Variants in COLEC12 observed in about 807,000 individuals in gnomAD.
COLEC12 encodes the protein collectin-12.
A neutral mutation model predicts 71.1 loss-of-function variants in COLEC12; 33 were observed. The ratio of observed to expected loss-of-function variants is 0.46; its 90% CI spans 0.35 to 0.62. COLEC12 has a LOEUF of 0.62. COLEC12 is among the 20% of genes least tolerant of loss of function. COLEC12 has a pLI of 0.00. For synonymous variants in COLEC12, 350 were observed against 353.0 expected, an observed-to-expected ratio of 0.99 and a Z score of 0.10; for missense variants, 765 against 916.1, an observed-to-expected ratio of 0.84 and a Z score of 2.13.
At chr18:372,817 T>C (rs1360993874) in intron 2 of COLEC12, among the ~76,000 whole-genome samples, 3 of 152,262 alleles carry the variant, frequency 2.0e-5, no homozygotes, top group East Asian at 3.9e-4. Flanking sequence ...AAGGGGACAT[T>C]TAACGCTGTG....
At chr18:498,632 G>A (rs1301773411) in intron 1 of COLEC12, among the ~76,000 whole-genome samples, 1 of 152,080 alleles carries the variant, frequency 6.6e-6, no homozygotes, top group African/African-American at 2.4e-5. Flanking sequence ...AAAGTGCTGG[G>A]ATTACAGGTG....
intron 2 of COLEC12, among the ~76,000 whole-genome samples, chr18:393,111 G>A (rs1220820587): frequency 1.3e-5 from 2 of 152,228 alleles, no homozygotes; most frequent in Non-Finnish European, 2.9e-5. Context: ...GGCTTAGGCT[G>A]AATTGTTCTG....
At chr18:420,785 TACA>T (rs201297138) in intron 2 of COLEC12, among the ~76,000 whole-genome samples, 1 of 151,750 alleles carries the variant, frequency 6.6e-6, no homozygotes, top group Non-Finnish European at 1.5e-5. Context: ...GGGGAGAGAC[TACA>T]CCTCCCTCCA....
At chr18:477,553 G>A (rs1185504997) in intron 2 of COLEC12, among the ~76,000 whole-genome samples, 2 of 151,938 alleles carry the variant, frequency 1.3e-5, no homozygotes, top group East Asian at 3.8e-4. Context: ...TTCTTCAGGA[G>A]TAAGTTTTCA....
rs1197147663 is a variant in COLEC12 at position 319,390 on chromosome 18, A to T, written c.*655T>A. 1 of 144,452 alleles carries T rather than the reference A, an allele frequency of 6.9e-6. No individual in the cohort carries two copies. The highest frequency in any genetic ancestry group is 1.5e-5 in the Non-Finnish European group (1 of 66,096). The allele number at this position is 144,452 out of a possible 1,614,324, so 8.9% of individuals were successfully genotyped here. On this transcript the variant is annotated 3_prime_UTR_variant, in exon 10 of 10. Coordinates refer to ENST00000400256, the MANE Select transcript of COLEC12 (RefSeq NM_130386.3). ...CACATGTATATTTAATTATTTTTTT[A>T]AAGCCACAATTGAAAAAATTCTTTG...
chr18:363,643 G>C (rs1914794823), intron 2 of COLEC12, among the ~76,000 whole-genome samples: 1 of 151,926 alleles, frequency 6.6e-6, no homozygotes, highest in African/African-American at 2.4e-5. Flanking sequence ...AATTAAAATG[G>C]CCCCAAAAGC....
intron 5 of COLEC12, among the ~76,000 whole-genome samples, chr18:338,262 C>T (rs920631348): frequency 1.3e-5 from 2 of 152,248 alleles, no homozygotes; most frequent in Admixed American, 1.3e-4. Flanking sequence ...CTACTCAAGA[C>T]CCTTCTCCAT....
At chr18:331,454 A>G (rs1229956521) in intron 8 of COLEC12, among the ~76,000 whole-genome samples, 1 of 152,244 alleles carries the variant, frequency 6.6e-6, no homozygotes, top group East Asian at 1.9e-4. Flanking sequence ...AATTCACTCC[A>G]TGAAAAGAAG....
intron 2 of COLEC12, among the ~76,000 whole-genome samples, chr18:358,571 C>A (rs1264611916): frequency 6.6e-6 from 1 of 152,162 alleles, no homozygotes; most frequent in Non-Finnish European, 1.5e-5. Flanking sequence ...TGCCACTGAT[C>A]TGACAGGAGG....
At chr18:398,899 T>C (rs542435381) in intron 2 of COLEC12, among the ~76,000 whole-genome samples, 1 of 152,312 alleles carries the variant, frequency 6.6e-6, no homozygotes, top group East Asian at 1.9e-4. Context: ...CTTGGAGATG[T>C]TTATATATTG....
At position 334,876 on chromosome 18, in the gene COLEC12, G is replaced by A. The variant is rs772557710; in HGVS notation, c.1682C>T (p.Pro561Leu). 1.3e-6 allele frequency: 2 copies of A among 1,523,858 alleles called. No homozygotes were observed. Among genetic ancestry groups the A allele is most frequent in the South Asian group, 1.3e-5 (1 of 79,948 alleles). The allele number at this position is 1,523,858 out of a possible 1,614,324, so 94.4% of individuals were successfully genotyped here. A position where few individuals can be genotyped will look rare whatever the true frequency, so the allele number is the denominator to read the frequency against. The change falls in exon 6 of 10, where the codon CCT (proline) becomes CTT (leucine). Residue 561 changes from proline (P) to leucine (L), a missense_variant. By Grantham distance (98) the Pro-to-Leu change is moderately conservative. Coordinates refer to ENST00000400256, the MANE Select transcript of COLEC12 (RefSeq NM_130386.3). ...GTVGEPGVPG[P>L]RGLPGLPGVP... ...CCCAGGCAAGCCTGGCAGTCCCCGA[G>A]GTCCAGGCACCCCAGGCTCCCCAAC... is the stretch of plus-strand genomic sequence containing the variant.
chr18:351,724 C>T (rs1357212545), intron 3 of COLEC12, among the ~76,000 whole-genome samples: 5 of 152,116 alleles, frequency 3.3e-5, no homozygotes, highest in African/African-American at 7.2e-5. Context: ...CCTGTTACCA[C>T]GCCCGGCTAA....
At chr18:487,156 T>G (rs1251448553) in intron 1 of COLEC12, among the ~76,000 whole-genome samples, 8 of 152,186 alleles carry the variant, frequency 5.3e-5, no homozygotes, top group Non-Finnish European at 1.2e-4. Context: ...GAAGCACTGA[T>G]GCATACTACA....
In COLEC12 at chr18:321,759, T is replaced by A. The variant is rs769152534; in HGVS notation, c.2112A>T (p.Pro704=). 1 of 1,614,258 alleles carries A rather than the reference T, an allele frequency of 6.2e-7. No individual in the cohort carries two copies. ...QPDNWGHGHG[P]GEDCAGLIYA... ...AAATCAACCCAGCACAGTCTTCTCC[T>A]GGCCCATGGCCATGACCCCAGTTAT... Residue 704 remains proline (P), a synonymous_variant, in exon 9 of 10, where the codon CCA becomes CCT. Transcript: ENST00000400256.
chr18:412,220 T>TA (rs1178427596), intron 2 of COLEC12, among the ~76,000 whole-genome samples: 4 of 151,956 alleles, frequency 2.6e-5, no homozygotes, highest in African/African-American at 9.7e-5. Flanking sequence ...AGCAGCAAGA[T>TA]AAAAAAACAC....
intron 2 of COLEC12, among the ~76,000 whole-genome samples, chr18:429,898 C>T (rs1289349180): frequency 6.6e-6 from 1 of 152,176 alleles, no homozygotes; most frequent in African/African-American, 2.4e-5. Context: ...ATTTTAATTA[C>T]TGCCTGGTAT....
chr18:406,146 T>C (rs1307498073), intron 2 of COLEC12, among the ~76,000 whole-genome samples: 1 of 152,076 alleles, frequency 6.6e-6, no homozygotes, highest in Admixed American at 6.5e-5. Context: ...AGTTACTCTA[T>C]AGGGTCTAAA....
At chr18:459,332 A>G (rs186553345) in intron 2 of COLEC12, among the ~76,000 whole-genome samples, 66 of 152,362 alleles carry the variant, frequency 4.3e-4, no homozygotes, top group Admixed American at 9.8e-4. Context: ...TCAATCTGCC[A>G]TAAGTCTGGA....
intron 2 of COLEC12, among the ~76,000 whole-genome samples, chr18:410,587 C>A (rs541304224): frequency 1.3e-5 from 2 of 152,054 alleles, no homozygotes; most frequent in Admixed American, 1.3e-4. Flanking sequence ...TACAGGCATG[C>A]TGTATTTTTG....
Sources: allele counts gnomAD v4.1 joint callset (sites outside exome capture counted in the v4.1 genomes callset), GRCh38; gene constraint gnomAD v4.1.1; transcripts MANE v1.5; gene names NCBI Gene and HGNC (gene_info 2026-07-23, HGNC 2026-07-21).